SHTN1: variants seen among roughly 807,000 people sequenced by gnomAD.
The protein encoded by SHTN1 is shootin 1.
Under a neutral mutation model 83.1 loss-of-function variants are expected in SHTN1, and 42 were observed. That is an observed-to-expected ratio of 0.51 (90% CI 0.39 to 0.65). The LOEUF (loss-of-function observed/expected upper bound fraction) is 0.65. Among genes scored for constraint, SHTN1 ranks in the 30% least tolerant of loss-of-function variants. The pLI, the probability that SHTN1 is intolerant of heterozygous loss-of-function variation, is 0.00. For missense variants in SHTN1, 622 were observed against 737.8 expected, an observed-to-expected ratio of 0.84 and a Z score of 1.82; for synonymous variants, 224 against 247.7, an observed-to-expected ratio of 0.90 and a Z score of 0.90.
At chr10:116,989,805 G>A (rs1204663015) in intron 1 of SHTN1, among the ~76,000 whole-genome samples, 3 of 152,128 alleles carry the variant, frequency 2.0e-5, no homozygotes, top group South Asian at 2.1e-4. Flanking sequence ...TCGGCCTCGC[G>A]ATGTGCATTG....
At chr10:117,121,396 G>A (rs568625251) in intron 1 of SHTN1, among the ~76,000 whole-genome samples, 2 of 151,584 alleles carry the variant, frequency 1.3e-5, no homozygotes, top group East Asian at 2.0e-4. Flanking sequence ...TGGCCAACAT[G>A]GTGAAACTCT....
chr10:116,911,879 A>G, intron 13 of SHTN1, 36 bp from the exon 14 acceptor site: 2 of 1,495,704 alleles, frequency 1.3e-6, no homozygotes, highest in Non-Finnish European at 1.9e-6. Context: ...TCACTGAGTA[A>G]TTCAGTTTAA....
chr10:116,963,508 T>TA (rs1850280340), intron 3 of SHTN1, among the ~76,000 whole-genome samples: 1 of 152,076 alleles, frequency 6.6e-6, no homozygotes, highest in African/African-American at 2.4e-5. Flanking sequence ...ACATGAGGTT[T>TA]AAAAAAGAAA....
chr10:116,888,775 C>T (rs572323555), intron 16 of SHTN1, among the ~76,000 whole-genome samples: 1 of 152,300 alleles, frequency 6.6e-6, no homozygotes, highest in African/African-American at 2.4e-5. Flanking sequence ...CTGCCCTACA[C>T]GGACCTTCCG....
intron 1 of SHTN1, among the ~76,000 whole-genome samples, chr10:117,064,829 T>C (rs572135962): frequency 5.3e-5 from 8 of 152,318 alleles, no homozygotes; most frequent in African/African-American, 1.7e-4. Context: ...ATAATTCCGT[T>C]AGCCTCATTA....
intron 2 of SHTN1, chr10:116,973,730 A>G: frequency 2.3e-6 from 1 of 442,492 alleles, no homozygotes. Context: ...CAGAGCCTAC[A>G]ACGCCACTAA....
chr10:117,040,827 G>A (rs181445522), intron 2 of SHTN1, among the ~76,000 whole-genome samples: 9 of 151,892 alleles, frequency 5.9e-5, no homozygotes, highest in Admixed American at 5.9e-4. Flanking sequence ...CTTTTTTATT[G>A]AAATAGTTTA....
At chr10:117,120,266 G>C (rs565140262) in intron 1 of SHTN1, among the ~76,000 whole-genome samples, 12 of 91,922 alleles carry the variant, frequency 1.3e-4, no homozygotes, top group Non-Finnish European at 1.5e-4. Flanking sequence ...TTTTTTTTTT[G>C]AGACTGAGTC....
chr10:116,993,541 G>A (rs1176730811), intron 1 of SHTN1, among the ~76,000 whole-genome samples: 2 of 151,850 alleles, frequency 1.3e-5, no homozygotes, highest in East Asian at 1.9e-4. Flanking sequence ...TGTCTTCTGA[G>A]TTACAAGAAA....
intron 2 of SHTN1, among the ~76,000 whole-genome samples, chr10:117,039,850 C>CAA (rs71013633): frequency 4.6e-5 from 6 of 129,692 alleles, no homozygotes; most frequent in East Asian, 2.3e-4. Flanking sequence ...GAGACTCCAT[C>CAA]AAAAAAAAAA....
chr10:117,100,619 G>C (rs1000210110), intron 1 of SHTN1, among the ~76,000 whole-genome samples: 1 of 152,162 alleles, frequency 6.6e-6, no homozygotes, highest in Non-Finnish European at 1.5e-5. Context: ...CAGTGCCACA[G>C]GAAGAACTGC....
chr10:116,981,584 C>T (rs1189331708), intron 1 of SHTN1, among the ~76,000 whole-genome samples: 1 of 152,134 alleles, frequency 6.6e-6, no homozygotes, highest in Non-Finnish European at 1.5e-5. Context: ...CATCTTACTA[C>T]TGTATCTTAA....
At chr10:116,932,673 T>C (rs1849014573) in intron 9 of SHTN1, among the ~76,000 whole-genome samples, 1 of 152,186 alleles carries the variant, frequency 6.6e-6, no homozygotes, top group Non-Finnish European at 1.5e-5. Flanking sequence ...TTATTTTTGA[T>C]TTACAATATT....
chr10:117,115,152 T>C (rs1188063255), intron 1 of SHTN1, among the ~76,000 whole-genome samples: 2 of 152,190 alleles, frequency 1.3e-5, no homozygotes, highest in South Asian at 2.1e-4. Context: ...TTTCAAAAAA[T>C]TCGTGGAACT....
At chr10:117,046,058 C>T (rs748218422) in intron 2 of SHTN1, among the ~76,000 whole-genome samples, 60 of 151,982 alleles carry the variant, frequency 3.9e-4, no homozygotes, top group South Asian at 8.3e-4. Flanking sequence ...ATTGGAACAC[C>T]AGGAGAAGAA....
intron 1 of SHTN1, among the ~76,000 whole-genome samples, chr10:116,983,411 C>T (rs1203123594): frequency 6.6e-6 from 1 of 152,028 alleles, no homozygotes; most frequent in Non-Finnish European, 1.5e-5. Context: ...TACTTCTATC[C>T]TCCACCAAAT....
chr10:117,068,372 A>C (rs1853033444), intron 1 of SHTN1, among the ~76,000 whole-genome samples: 1 of 152,154 alleles, frequency 6.6e-6, no homozygotes, highest in African/African-American at 2.4e-5. Context: ...CCTGCACTGC[A>C]TTTAGGAACC....
intron 1 of SHTN1, among the ~76,000 whole-genome samples, chr10:117,050,283 T>C (rs2133587575): frequency 6.6e-6 from 1 of 152,192 alleles, no homozygotes; most frequent in Non-Finnish European, 1.5e-5. Context: ...ATAAAATATA[T>C]AAATCATCAG....
chr10:116,956,834 AG>A (rs1417971209), intron 4 of SHTN1, among the ~76,000 whole-genome samples: 4 of 152,194 alleles, frequency 2.6e-5, no homozygotes, highest in African/African-American at 9.7e-5. Flanking sequence ...AAAGCCAATC[AG>A]AAAATTTCAT....
Sources: gnomAD v4.1 joint callset for allele counts (sites outside exome capture counted in the v4.1 genomes callset) on GRCh38, gnomAD v4.1.1 for gene constraint, MANE v1.5 for transcripts, NCBI Gene and HGNC (gene_info 2026-07-23, HGNC 2026-07-21) for gene names.